RARB: variants seen among roughly 807,000 people sequenced by gnomAD.
The protein encoded by RARB is HBV-activated protein.
Under a neutral mutation model 51.9 loss-of-function variants are expected in RARB, and 17 were observed. The observed-to-expected ratio is 0.33, with a 90% CI of 0.22 to 0.49. The LOEUF (loss-of-function observed/expected upper bound fraction) is 0.49, where lower values mean the gene tolerates loss of function less well. Ranked by LOEUF, RARB falls within the 20% of genes least tolerant of loss-of-function variation. The pLI, the probability that RARB is intolerant of heterozygous loss-of-function variation, is 0.99. For synonymous variants in RARB, 215 were observed against 195.4 expected, an observed-to-expected ratio of 1.10 and a Z score of -0.84; for missense variants, 369 against 550.8, an observed-to-expected ratio of 0.67 and a Z score of 3.30.
chr3:25,251,935 C>T (rs1014162787), intron 5 of RARB, among the ~76,000 whole-genome samples: 2 of 151,966 alleles, frequency 1.3e-5, no homozygotes, highest in African/African-American at 4.8e-5. Context: ...CATTGCCTAA[C>T]CAAAAGTCAC....
chr3:24,889,107 A>G (rs894901470), intron 2 of RARB, among the ~76,000 whole-genome samples: 8 of 152,336 alleles, frequency 5.3e-5, no homozygotes, highest in African/African-American at 1.7e-4. Flanking sequence ...AGGACTCACT[A>G]CATATGGATC....
intron 3 of RARB, among the ~76,000 whole-genome samples, chr3:25,534,454 A>G (rs1420362329): frequency 4.6e-5 from 7 of 152,000 alleles, no homozygotes; most frequent in East Asian, 1.9e-4. Context: ...CCTTAATAGC[A>G]TAAGTAGAGA....
intron 5 of RARB, among the ~76,000 whole-genome samples, chr3:25,331,672 A>G (rs977466102): frequency 7.9e-5 from 12 of 152,222 alleles, no homozygotes; most frequent in African/African-American, 2.9e-4. Context: ...AATAACTAAG[A>G]TCAGAGCAGA....
At chr3:25,543,859 G>A (rs921042582) in intron 3 of RARB, among the ~76,000 whole-genome samples, 7 of 152,182 alleles carry the variant, frequency 4.6e-5, no homozygotes, top group East Asian at 3.8e-4. Flanking sequence ...TGTGACAGAC[G>A]CAAGCTTAAC....
At chr3:25,523,457 C>A (rs2125634547) in intron 3 of RARB, among the ~76,000 whole-genome samples, 1 of 152,230 alleles carries the variant, frequency 6.6e-6, no homozygotes, top group African/African-American at 2.4e-5. Flanking sequence ...CTCACGAATT[C>A]AAGATTTATA....
intron 2 of RARB, among the ~76,000 whole-genome samples, chr3:24,975,367 C>T (rs1696488137): frequency 6.6e-6 from 1 of 152,082 alleles, no homozygotes; most frequent in South Asian, 2.1e-4. Flanking sequence ...TTACTACACT[C>T]CAGGCACTGT....
intron 4 of RARB, among the ~76,000 whole-genome samples, chr3:25,158,094 C>A (rs1700408797): frequency 6.6e-6 from 1 of 152,180 alleles, no homozygotes; most frequent in African/African-American, 2.4e-5. Flanking sequence ...TAATTTCCGA[C>A]CCAAACACAT....
At chr3:25,382,191 A>G (rs542869090) in intron 5 of RARB, among the ~76,000 whole-genome samples, 8 of 152,346 alleles carry the variant, frequency 5.3e-5, no homozygotes, top group African/African-American at 1.9e-4. Context: ...CTTTATTCTC[A>G]TGGAATAGGT....
At chr3:25,403,150 G>C (rs148110029) in intron 5 of RARB, among the ~76,000 whole-genome samples, 4,391 of 134,366 alleles carry the variant, frequency 0.033, 103 homozygotes, top group Non-Finnish European at 0.051. Flanking sequence ...GTGACAGAAA[G>C]ACTGCATCTC....
rs944041394 is a variant in RARB at position 25,482,687 on chromosome 3, G to A, written c.307-18495G>A. Among the ~76,000 whole-genome samples the A allele has an allele frequency of 4.6e-5, 7 of 151,484 alleles. 1 individual carries two copies. The highest frequency in any genetic ancestry group is 1.0e-4 in the Non-Finnish European group (7 of 67,872). On this transcript the variant is annotated intron_variant, in intron 2 of 7. Coordinates refer to ENST00000330688, the MANE Select transcript of RARB (RefSeq NM_000965.5). ...CCCGAGTAGCTGGGACTACAGGCGC[G>A]TGCCACCATGCCCGGCTATTTTTTT... is the stretch of plus-strand genomic sequence containing the variant.
intron 5 of RARB, among the ~76,000 whole-genome samples, chr3:25,401,334 C>T (rs1707258012): frequency 6.6e-6 from 1 of 152,144 alleles, no homozygotes; most frequent in Non-Finnish European, 1.5e-5. Context: ...AGGGTGAAGC[C>T]TCTCTGAAGA....
At chr3:25,046,138 G>A (rs1698208970) in intron 2 of RARB, among the ~76,000 whole-genome samples, 4 of 152,114 alleles carry the variant, frequency 2.6e-5, no homozygotes, top group Admixed American at 2.0e-4. Flanking sequence ...GGGAAATTAG[G>A]GAAAGAAAAT....
At chr3:24,951,806 T>C (rs1423492456) in intron 2 of RARB, among the ~76,000 whole-genome samples, 1 of 152,210 alleles carries the variant, frequency 6.6e-6, no homozygotes, top group Non-Finnish European at 1.5e-5. Flanking sequence ...GACAAAAATA[T>C]ATTCATGATA....
chr3:25,465,123 G>C (rs547524834), intron 2 of RARB, among the ~76,000 whole-genome samples: 2 of 152,188 alleles, frequency 1.3e-5, no homozygotes, highest in South Asian at 2.1e-4. Flanking sequence ...TAAGGCTTTC[G>C]AATCAGATTG....
intron 5 of RARB, among the ~76,000 whole-genome samples, chr3:25,347,692 T>C (rs1478478930): frequency 2.0e-5 from 3 of 152,192 alleles, no homozygotes; most frequent in Non-Finnish European, 4.4e-5. Context: ...CGAAAGCTCA[T>C]GCTATTTAAA....
chr3:24,933,516 T>C (rs1381863961), intron 2 of RARB, among the ~76,000 whole-genome samples: 1 of 152,070 alleles, frequency 6.6e-6, no homozygotes, highest in Non-Finnish European at 1.5e-5. Context: ...TTCAGAGTTT[T>C]GCTTTTGCGG....
chr3:25,271,523 A>G (rs573689366), intron 5 of RARB, among the ~76,000 whole-genome samples: 69 of 152,296 alleles, frequency 4.5e-4, no homozygotes, highest in Non-Finnish European at 8.5e-4. Context: ...GAATGAGTTG[A>G]TATTGGCATA....
intron 2 of RARB, among the ~76,000 whole-genome samples, chr3:25,036,348 T>G (rs1697994333): frequency 6.6e-6 from 1 of 152,164 alleles, no homozygotes; most frequent in Non-Finnish European, 1.5e-5. Context: ...TTTGAAGCCA[T>G]ATGTCTGTAG....
chr3:24,979,859 T>C (rs1375958186), intron 2 of RARB, among the ~76,000 whole-genome samples: 2 of 152,220 alleles, frequency 1.3e-5, no homozygotes, highest in South Asian at 2.1e-4. Context: ...ATGCAGTTTC[T>C]TCATAGCATC....
Sources: allele counts gnomAD v4.1 joint callset (sites outside exome capture counted in the v4.1 genomes callset), GRCh38; gene constraint gnomAD v4.1.1; transcripts MANE v1.5; gene names NCBI Gene and HGNC (gene_info 2026-07-23, HGNC 2026-07-21).